The following ARID1B variants were observed in gnomAD, a reference collection of about 807,000 sequenced individuals.
The protein encoded by ARID1B is AT-rich interactive domain-containing protein 1B.
In ARID1B, 30 loss-of-function variants were observed where a neutral mutation model predicts 212.3. The observed-to-expected ratio is 0.14, with a 90% CI of 0.11 to 0.19. The LOEUF is 0.19. ARID1B is among the 10% of genes least tolerant of loss of function. ARID1B has a pLI of 1.00. For synonymous variants in ARID1B, 1,402 were observed against 1,301.7 expected (o/e 1.08, Z -1.66); for missense variants, 2,891 against 3,204.0 (o/e 0.90, Z 2.36).
Position 157,210,631 on chromosome 6 carries a change from TA to T in ARID1B, c.*2745del. On this transcript the variant is annotated 3_prime_UTR_variant, in exon 20 of 20. Coordinates refer to ENST00000636930, the MANE Select transcript of ARID1B (RefSeq NM_001374828.1). ...TATAAACTGAGTTATTGCTTTGTCCTAAAAATTAGTCGGTTTTTTTTTTTCT... is the reference window on the plus strand; with the variant it reads ...TATAAACTGAGTTATTGCTTTGTCCTAAAATTAGTCGGTTTTTTTTTTTCT... The T allele has an allele frequency of 4.5e-6, 1 of 222,866 alleles. No homozygotes were observed. Among genetic ancestry groups the T allele is most frequent in the Non-Finnish European group, 8.7e-6 (1 of 114,326 alleles). The allele number at this position is 222,866 out of a possible 1,614,324, so 13.8% of individuals were successfully genotyped here. A position where few individuals can be genotyped will look rare whatever the true frequency, so the allele number is the denominator to read the frequency against.
At chr6:156,856,696 TCTCTCACACACACA>T (rs1784963266) in intron 2 of ARID1B, among the ~76,000 whole-genome samples, 1 of 84,224 alleles carries the variant, frequency 1.2e-5, no homozygotes, top group Admixed American at 1.2e-4. Flanking sequence ...TCTCTCTCTC[TCTCTCACACACACA>T]CACACACACA....
At chr6:157,111,831 G>T (rs557756251) in intron 6 of ARID1B, among the ~76,000 whole-genome samples, 1 of 152,128 alleles carries the variant, frequency 6.6e-6, no homozygotes, top group Non-Finnish European at 1.5e-5. Context: ...TAATGGAATA[G>T]TTCATGGTTT....
Position 157,208,019 on chromosome 6 carries a change from TATTTACC to T in ARID1B, c.*130_*136del. 5 of 961,562 alleles carry T rather than the reference TATTTACC, an allele frequency of 5.2e-6. No homozygotes were observed. In the South Asian group the frequency reaches 1.9e-4, roughly 36 times the overall value. 59.6% of individuals were successfully genotyped at this position (961,562 alleles called of 1,614,324 possible). A position where few individuals can be genotyped will look rare whatever the true frequency, so the allele number is the denominator to read the frequency against. ...ATCTTTGCTCCTCTGCCCCATTCAC[TATTTACC>T]AATTGGGAATTAAAGAAATAATTAA... On this transcript the variant is annotated 3_prime_UTR_variant, in exon 20 of 20. Transcript: ENST00000636930.
chr6:156,797,986 G>A (rs1339984043), intron 1 of ARID1B, among the ~76,000 whole-genome samples: 1 of 152,250 alleles, frequency 6.6e-6, no homozygotes, highest in African/African-American at 2.4e-5. Context: ...GGAATGCCCA[G>A]TAAGCCTGGG....
At chr6:156,932,081 G>A (rs1328258491) in intron 3 of ARID1B, among the ~76,000 whole-genome samples, 1 of 137,940 alleles carries the variant, frequency 7.2e-6, no homozygotes, top group East Asian at 2.3e-4. Context: ...GGAGTTAGAG[G>A]CTACAGTGAG....
At chr6:157,014,650 G>T (rs1475632457) in intron 4 of ARID1B, among the ~76,000 whole-genome samples, 2 of 152,120 alleles carry the variant, frequency 1.3e-5, no homozygotes, top group Non-Finnish European at 2.9e-5. Flanking sequence ...GTTACCATGT[G>T]CAATAGAGTT....
intron 4 of ARID1B, among the ~76,000 whole-genome samples, chr6:157,037,938 A>G (rs774162335): frequency 2.0e-5 from 3 of 152,212 alleles, no homozygotes; most frequent in Admixed American, 6.5e-5. Flanking sequence ...TCACCCTGAG[A>G]TAGAGAACAC....
chr6:157,103,831 CTTTTTTTTTTTT>C (rs869280492), intron 5 of ARID1B, among the ~76,000 whole-genome samples: 2 of 118,358 alleles, frequency 1.7e-5, no homozygotes, highest in East Asian at 2.3e-4. Flanking sequence ...ATATTAACAA[CTTTTTTTTTTTT>C]TTTTTTTTTT....
At chr6:157,113,660 C>G (rs1562628563) in intron 6 of ARID1B, among the ~76,000 whole-genome samples, 1 of 152,182 alleles carries the variant, frequency 6.6e-6, no homozygotes, top group East Asian at 1.9e-4. Context: ...CCACCAGGCC[C>G]CACCTCCAAC....
intron 4 of ARID1B, among the ~76,000 whole-genome samples, chr6:157,004,173 T>A (rs1779070145): frequency 6.6e-6 from 1 of 152,266 alleles, no homozygotes; most frequent in South Asian, 2.1e-4. Flanking sequence ...ACCCTAGGAT[T>A]ACAGGTGTGA....
At chr6:156,834,556 G>A (rs1483124227) in intron 2 of ARID1B, among the ~76,000 whole-genome samples, 2 of 152,158 alleles carry the variant, frequency 1.3e-5, no homozygotes, top group Admixed American at 1.3e-4. Flanking sequence ...AAACATATTT[G>A]TAGATATACA....
intron 8 of ARID1B, among the ~76,000 whole-genome samples, chr6:157,158,365 C>T (rs1790702083): frequency 6.6e-6 from 1 of 152,268 alleles, no homozygotes; most frequent in East Asian, 1.9e-4. Context: ...TTTTCTGTTT[C>T]CTGGACAAGT....
rs545603638 is a variant in ARID1B at position 157,171,202 on chromosome 6, G to C, written c.3236-2806G>C. Among the ~76,000 whole-genome samples the C allele has an allele frequency of 1.1e-3, 160 of 152,370 alleles. 5 individuals are homozygous for C. In the South Asian group the frequency reaches 0.031, roughly 29 times the overall value. On this transcript the variant is annotated intron_variant, in intron 9 of 19. Coordinates refer to ENST00000636930, the MANE Select transcript of ARID1B (RefSeq NM_001374828.1). The stretch of plus-strand genomic sequence containing the variant: ...GGACCTTGACCCACACTTACTTTAA[G>C]AAATCGTTCTAGTTCTTAAATTTCA...
intron 8 of ARID1B, among the ~76,000 whole-genome samples, chr6:157,155,006 C>T (rs1270055903): frequency 2.6e-5 from 4 of 152,144 alleles, no homozygotes; most frequent in Non-Finnish European, 5.9e-5. Context: ...TAACGAGTAT[C>T]TTCGTGGATC....
chr6:156,976,383 C>A, intron 4 of ARID1B: 1 of 163,688 alleles, frequency 6.1e-6, no homozygotes, highest in Non-Finnish European at 1.3e-5. Flanking sequence ...GCCCGTTTCT[C>A]ACTGTGATGA....
intron 8 of ARID1B, 52 bp downstream of exon 8, chr6:157,149,003 G>T: frequency 6.5e-7 from 1 of 1,536,186 alleles, no homozygotes; most frequent in South Asian, 1.2e-5. Context: ...GTCTACCCGT[G>T]ACCACGTGAC....
At chr6:156,883,567 T>A (rs1245127389) in intron 2 of ARID1B, among the ~76,000 whole-genome samples, 1 of 152,118 alleles carries the variant, frequency 6.6e-6, no homozygotes. Flanking sequence ...TTCCATGCTT[T>A]CCTCTCCAGC....
At chr6:157,133,656 A>G (rs558328756) in intron 7 of ARID1B, among the ~76,000 whole-genome samples, 5 of 152,282 alleles carry the variant, frequency 3.3e-5, no homozygotes, top group African/African-American at 1.2e-4. Flanking sequence ...CATCCCTCCC[A>G]GTTTCTCTCC....
intron 4 of ARID1B, among the ~76,000 whole-genome samples, chr6:156,984,498 A>G (rs982224055): frequency 2.6e-5 from 4 of 152,120 alleles, no homozygotes; most frequent in Non-Finnish European, 5.9e-5. Flanking sequence ...TTGATAGTGA[A>G]ATGTGAAGGG....
Sources: gnomAD v4.1 joint callset for allele counts (sites outside exome capture counted in the v4.1 genomes callset) on GRCh38, gnomAD v4.1.1 for gene constraint, MANE v1.5 for transcripts, NCBI Gene and HGNC (gene_info 2026-07-23, HGNC 2026-07-21) for gene names.